The following CDC73 variants were observed in gnomAD, a reference collection of about 807,000 sequenced individuals.
The protein encoded by CDC73 is cell division cycle 73.
CDC73 carries 21 observed loss-of-function variants against 83.7 expected under a neutral mutation model. The observed-to-expected ratio is 0.25, with a 90% confidence interval of 0.18 to 0.36. The LOEUF is 0.36. Ranked by LOEUF, CDC73 falls within the 10% of genes least tolerant of loss-of-function variation. The probability of loss-of-function intolerance (pLI) is 1.00; values close to 1 mark genes in which losing one functional copy is unlikely to be tolerated. For missense variants in CDC73, 342 were observed against 653.3 expected (o/e 0.52, Z 5.19); for synonymous variants, 224 against 212.9 (o/e 1.05, Z -0.45).
At chr1:193,146,936 A>G (rs1676010422) in intron 7 of CDC73, among the ~76,000 whole-genome samples, 1 of 152,088 alleles carries the variant, frequency 6.6e-6, no homozygotes. Context: ...AGGATGTAGT[A>G]GTTGATTATT....
chr1:193,146,109 G>A (rs1675995949), intron 7 of CDC73, among the ~76,000 whole-genome samples: 1 of 152,158 alleles, frequency 6.6e-6, no homozygotes, highest in African/African-American at 2.4e-5. Flanking sequence ...GTTTAAAGAA[G>A]AGAAATTATG....
rs2103111415 is a variant in CDC73 at position 193,122,162 on chromosome 1, C to T, written c.-39C>T. 1.2e-6 allele frequency: 2 copies of T among 1,602,968 alleles called. No individual in the cohort carries two copies. The highest frequency in any genetic ancestry group is 1.7e-6 in the Non-Finnish European group (2 of 1,171,474). On this transcript the variant is annotated 5_prime_UTR_variant, in exon 1 of 17. Transcript: ENST00000367435. ...AAGAAGGAGGCAGGCGCGGCGGCAGCGGCGGCGCCCCGAGCCGGCGGAGGC... is the reference window on the plus strand; with the variant it reads ...AAGAAGGAGGCAGGCGCGGCGGCAGTGGCGGCGCCCCGAGCCGGCGGAGGC...
At chr1:193,165,307 T>C (rs547743271) in intron 10 of CDC73, among the ~76,000 whole-genome samples, 1 of 152,358 alleles carries the variant, frequency 6.6e-6, no homozygotes, top group African/African-American at 2.4e-5. Flanking sequence ...AAGTGTTTCT[T>C]AGCATTGTAT....
chr1:193,200,758 C>CGT (rs112571232), intron 10 of CDC73, among the ~76,000 whole-genome samples: 8,255 of 150,596 alleles, frequency 0.055, 696 homozygotes, highest in African/African-American at 0.19. Flanking sequence ...TAATACATTC[C>CGT]GTGTGTGTGT....
chr1:193,197,410 C>A (rs1165504203), intron 10 of CDC73, among the ~76,000 whole-genome samples: 1 of 152,122 alleles, frequency 6.6e-6, no homozygotes, highest in East Asian at 1.9e-4. Context: ...ATTAGTCCAA[C>A]TTTATTTTGG....
intron 10 of CDC73, among the ~76,000 whole-genome samples, chr1:193,178,394 T>TA (rs1193347663): frequency 6.6e-6 from 1 of 152,172 alleles, no homozygotes; most frequent in Non-Finnish European, 1.5e-5. Context: ...AGTCATTTTT[T>TA]AAAAAACTTT....
chr1:193,222,135 A>G (rs531495218), intron 13 of CDC73, among the ~76,000 whole-genome samples: 12 of 152,346 alleles, frequency 7.9e-5, no homozygotes, highest in Admixed American at 2.6e-4. Context: ...ATCTATAAAC[A>G]TGATCATGAA....
chr1:193,225,394 A>T (rs1677550093), intron 13 of CDC73, among the ~76,000 whole-genome samples: 2 of 152,080 alleles, frequency 1.3e-5, no homozygotes, highest in Non-Finnish European at 1.5e-5. Context: ...TTTTTGTATC[A>T]TGACTTCTTT....
chr1:193,250,527 A>G, intron 16 of CDC73, 149 bp from the exon 17 acceptor site: 1 of 620,496 alleles, frequency 1.6e-6, no homozygotes, highest in Non-Finnish European at 2.9e-6. Flanking sequence ...AGCTTATTCC[A>G]GAGTCTTTAT....
At position 193,253,167 on chromosome 1, in the gene CDC73, C is replaced by T. The variant is rs886045729; in HGVS notation, c.*2455C>T. Reference sequence around the variant, plus strand: ...AGGTTTCAATCAGTTGCTCTCAACCCTGACTGCATTTTAGAATCATTTGGA... The same window carrying T: ...AGGTTTCAATCAGTTGCTCTCAACCTTGACTGCATTTTAGAATCATTTGGA... On this transcript the variant is annotated 3_prime_UTR_variant, in exon 17 of 17. Transcript: ENST00000367435. 8 of 232,324 alleles carry T rather than the reference C, an allele frequency of 3.4e-5. No individual in the cohort carries two copies. The East Asian group carries it at 3.6e-4, about 11-fold the overall frequency. The allele number at this position is 232,324 out of a possible 1,614,324, so 14.4% of individuals were successfully genotyped here.
At chr1:193,165,439 CAGT>C (rs1558295129) in intron 10 of CDC73, among the ~76,000 whole-genome samples, 1 of 152,130 alleles carries the variant, frequency 6.6e-6, no homozygotes, top group Non-Finnish European at 1.5e-5. Context: ...CTTTATGTAT[CAGT>C]AGATAAGTAA....
chr1:193,167,344 C>T (rs987446188), intron 10 of CDC73, among the ~76,000 whole-genome samples: 1 of 152,072 alleles, frequency 6.6e-6, no homozygotes, highest in Non-Finnish European at 1.5e-5. Context: ...AGGCTAATTC[C>T]TCAGCCACTT....
At chr1:193,201,089 GC>G (rs1013279085) in intron 10 of CDC73, among the ~76,000 whole-genome samples, 2 of 70,144 alleles carry the variant, frequency 2.9e-5, no homozygotes, top group East Asian at 2.5e-4. Flanking sequence ...ATGTGTATTG[GC>G]GGGGGTGGGT....
chr1:193,192,075 CAT>C (rs1488305764), intron 10 of CDC73, among the ~76,000 whole-genome samples: 2 of 152,106 alleles, frequency 1.3e-5, no homozygotes, highest in Non-Finnish European at 2.9e-5. Context: ...TGCAAAGAGG[CAT>C]AGTTACCCTA....
At chr1:193,230,387 TCCAC>T (rs912006911) in intron 13 of CDC73, among the ~76,000 whole-genome samples, 2 of 150,124 alleles carry the variant, frequency 1.3e-5, no homozygotes, top group African/African-American at 4.9e-5. Flanking sequence ...CCTCAAATGA[TCCAC>T]CCACCTTGGC....
chr1:193,165,097 C>T (rs1676413264), intron 10 of CDC73, among the ~76,000 whole-genome samples: 1 of 152,158 alleles, frequency 6.6e-6, no homozygotes, highest in African/African-American at 2.4e-5. Flanking sequence ...CACTACGTTG[C>T]CCAGGTTGGA....
intron 14 of CDC73, among the ~76,000 whole-genome samples, chr1:193,236,012 T>A (rs1677751622): frequency 1.3e-5 from 2 of 152,324 alleles, no homozygotes; most frequent in South Asian, 4.1e-4. Flanking sequence ...TTGAATTATG[T>A]TTAAAAGACT....
intron 10 of CDC73, among the ~76,000 whole-genome samples, chr1:193,162,110 ATATATTATCTAT>A (rs1311155519): frequency 9.2e-5 from 1 of 10,826 alleles, no homozygotes; most frequent in East Asian, 9.1e-4. Flanking sequence ...AATATATATC[ATATATTATCTAT>A]TATATTGTAT....
At chr1:193,214,715 C>A (rs1175878079) in intron 13 of CDC73, among the ~76,000 whole-genome samples, 1 of 152,050 alleles carries the variant, frequency 6.6e-6, no homozygotes, top group East Asian at 1.9e-4. Context: ...CGAGACTCCT[C>A]AGAAAATAAG....
Sources: allele counts gnomAD v4.1 joint callset (sites outside exome capture counted in the v4.1 genomes callset), GRCh38; gene constraint gnomAD v4.1.1; transcripts MANE v1.5; gene names NCBI Gene and HGNC (gene_info 2026-07-23, HGNC 2026-07-21).